The following KCNC2 variants were observed in gnomAD, a reference collection of about 807,000 sequenced individuals.
The protein encoded by KCNC2 is voltage-gated potassium channel KCNC2.
In KCNC2, 21 loss-of-function variants were observed where a neutral mutation model predicts 44.5. That is an observed-to-expected ratio of 0.47 (90% CI 0.33 to 0.68). The LOEUF is 0.68. Among genes scored for constraint, KCNC2 ranks in the 30% least tolerant of loss-of-function variants. The probability of loss-of-function intolerance (pLI) is 0.01; values close to 1 mark genes in which losing one functional copy is unlikely to be tolerated. For synonymous variants in KCNC2, 391 were observed against 339.1 expected, an observed-to-expected ratio of 1.15 and a Z score of -1.68; for missense variants, 589 against 826.2, an observed-to-expected ratio of 0.71 and a Z score of 3.52.
intron 2 of KCNC2, among the ~76,000 whole-genome samples, chr12:75,184,716 C>G (rs1231600403): frequency 6.6e-6 from 1 of 152,122 alleles, no homozygotes; most frequent in Non-Finnish European, 1.5e-5. Context: ...GCACAGTGTT[C>G]TCTTTTAATT....
chr12:75,201,387 GA>G (rs1195673599), intron 2 of KCNC2, among the ~76,000 whole-genome samples: 1 of 145,140 alleles, frequency 6.9e-6, no homozygotes, highest in Non-Finnish European at 1.5e-5. Flanking sequence ...CTCTCCCCCA[GA>G]ATCTTTAGCA....
intron 2 of KCNC2, among the ~76,000 whole-genome samples, chr12:75,158,210 A>T (rs537440885): frequency 6.6e-6 from 1 of 151,930 alleles, no homozygotes; most frequent in Non-Finnish European, 1.5e-5. Context: ...GTTGTGAAAT[A>T]TAACAGTAAT....
intron 2 of KCNC2, among the ~76,000 whole-genome samples, chr12:75,120,058 A>G (rs1887946171): frequency 6.6e-6 from 1 of 152,232 alleles, no homozygotes; most frequent in Non-Finnish European, 1.5e-5. Flanking sequence ...CTTATAATTA[A>G]TATAAGACTG....
chr12:75,196,946 A>T (rs1010219421), intron 2 of KCNC2, among the ~76,000 whole-genome samples: 1 of 152,052 alleles, frequency 6.6e-6, no homozygotes, highest in Non-Finnish European at 1.5e-5. Flanking sequence ...CTCTTAATTC[A>T]TTGTTGAATT....
chr12:75,153,025 A>G (rs1165347360), intron 2 of KCNC2, among the ~76,000 whole-genome samples: 1 of 152,044 alleles, frequency 6.6e-6, no homozygotes, highest in African/African-American at 2.4e-5. Flanking sequence ...AAGTGGCAAC[A>G]ATAAACATGG....
At chr12:75,205,839 G>GTTTT (rs34832795) in intron 2 of KCNC2, among the ~76,000 whole-genome samples, 3 of 124,626 alleles carry the variant, frequency 2.4e-5, no homozygotes, top group Non-Finnish European at 3.4e-5. Context: ...GTTGGTTTGG[G>GTTTT]TTTTTTTTTT....
At chr12:75,159,691 A>T (rs970930685) in intron 2 of KCNC2, among the ~76,000 whole-genome samples, 13 of 151,838 alleles carry the variant, frequency 8.6e-5, no homozygotes, top group African/African-American at 3.1e-4. Flanking sequence ...GCTTACATAT[A>T]TGGCTAGTAT....
intron 2 of KCNC2, among the ~76,000 whole-genome samples, chr12:75,191,761 G>C (rs983062210): frequency 1.3e-5 from 2 of 151,216 alleles, no homozygotes; most frequent in Admixed American, 1.3e-4. Flanking sequence ...TTGTTAGCCA[G>C]GATGGTCTCG....
At chr12:75,135,795 A>G (rs1239201838) in intron 2 of KCNC2, among the ~76,000 whole-genome samples, 2 of 152,130 alleles carry the variant, frequency 1.3e-5, no homozygotes, top group Middle Eastern at 3.4e-3. Flanking sequence ...TTATAATAAT[A>G]CAGTTTCATT....
intron 2 of KCNC2, among the ~76,000 whole-genome samples, chr12:75,067,059 A>G (rs1882903211): frequency 6.6e-6 from 1 of 152,060 alleles, no homozygotes; most frequent in Admixed American, 6.6e-5. Context: ...AAAATTAGCC[A>G]GCCGTGGTGG....
intron 2 of KCNC2, among the ~76,000 whole-genome samples, chr12:75,103,467 C>T (rs921667883): frequency 1.3e-5 from 2 of 152,124 alleles, no homozygotes; most frequent in Non-Finnish European, 2.9e-5. Flanking sequence ...GCCAGGGGTA[C>T]TTTTATATTG....
At chr12:75,148,904 A>C (rs1052051429) in intron 2 of KCNC2, among the ~76,000 whole-genome samples, 6 of 151,978 alleles carry the variant, frequency 3.9e-5, no homozygotes, top group African/African-American at 9.7e-5. Context: ...CTGGAAATGC[A>C]AACCTTTTTT....
At chr12:75,064,547 C>T (rs1012614917) in intron 2 of KCNC2, among the ~76,000 whole-genome samples, 3 of 151,906 alleles carry the variant, frequency 2.0e-5, no homozygotes, top group African/African-American at 4.8e-5. Context: ...CTCTAAATCA[C>T]GTGGATTATA....
rs563800845 is a variant in KCNC2, at chr12:75,041,435, T to C, written c.*1670A>G. On this transcript the variant is annotated 3_prime_UTR_variant, in exon 5 of 5. Transcript: ENST00000549446. Reference sequence around the variant, plus strand: ...CATGTTTCGTGGCCAATAATAAAAGTGACAATTGTCTTCCTAACAAAAAAT... The same window carrying C: ...CATGTTTCGTGGCCAATAATAAAAGCGACAATTGTCTTCCTAACAAAAAAT... The C allele has an allele frequency of 7.7e-7, 1 of 1,290,518 alleles. No homozygotes were observed. Among genetic ancestry groups the C allele is most frequent in the South Asian group, 2.0e-5 (1 of 49,834 alleles). 79.9% of individuals were successfully genotyped at this position (1,290,518 alleles called of 1,614,324 possible).
chr12:75,167,269 T>C (rs550911755), intron 2 of KCNC2, among the ~76,000 whole-genome samples: 1 of 151,510 alleles, frequency 6.6e-6, no homozygotes, highest in East Asian at 1.9e-4. Flanking sequence ...AATTTTATTT[T>C]GTCATCTTGG....
chr12:75,089,387 G>C (rs970406470), intron 2 of KCNC2, among the ~76,000 whole-genome samples: 3 of 151,802 alleles, frequency 2.0e-5, no homozygotes, highest in Non-Finnish European at 2.9e-5. Flanking sequence ...TTAGAAGCCT[G>C]TGTAATATAA....
chr12:75,112,871 T>G (rs1887360912), intron 2 of KCNC2, among the ~76,000 whole-genome samples: 1 of 152,032 alleles, frequency 6.6e-6, no homozygotes, highest in Non-Finnish European at 1.5e-5. Context: ...CTAAAAACTT[T>G]AAAATATAGG....
At chr12:75,116,381 T>C (rs1201577149) in intron 2 of KCNC2, among the ~76,000 whole-genome samples, 1 of 152,090 alleles carries the variant, frequency 6.6e-6, no homozygotes, top group East Asian at 1.9e-4. Flanking sequence ...ATAATAATAA[T>C]AAAGTTAAGG....
intron 2 of KCNC2, among the ~76,000 whole-genome samples, chr12:75,065,277 A>G (rs530473262): frequency 6.6e-6 from 1 of 152,222 alleles, no homozygotes; most frequent in Admixed American, 6.5e-5. Context: ...AACAATCACA[A>G]CAATTATTCA....
Sources: gnomAD v4.1 joint callset for allele counts (sites outside exome capture counted in the v4.1 genomes callset) on GRCh38, gnomAD v4.1.1 for gene constraint, MANE v1.5 for transcripts, NCBI Gene and HGNC (gene_info 2026-07-23, HGNC 2026-07-21) for gene names.